Variants in ELFN1 observed in about 807,000 individuals in gnomAD.
ELFN1 encodes the protein protein ELFN1.
Under a neutral mutation model 7.6 loss-of-function variants are expected in ELFN1, and 6 were observed. That is an observed-to-expected ratio of 0.79 (90% CI 0.43 to 1.56). The LOEUF (loss-of-function observed/expected upper bound fraction) is 1.56, where lower values mean the gene tolerates loss of function less well. Ranked by LOEUF, ELFN1 falls within the 40% of genes most tolerant of loss-of-function variation. ELFN1 has a pLI of 0.01. For missense variants in ELFN1, 1,169 were observed against 1,232.2 expected (o/e 0.95, Z 0.77); for synonymous variants, 657 against 588.1 (o/e 1.12, Z -1.70).
At chr7:1,722,486 C>T (rs1044887713) in intron 3 of ELFN1, among the ~76,000 whole-genome samples, 3 of 151,790 alleles carry the variant, frequency 2.0e-5, no homozygotes, top group Non-Finnish European at 4.4e-5. Context: ...TCAGGCTGGT[C>T]TCGAACTCCT....
intron 2 of ELFN1, chr7:1,692,661 AC>A (rs1163831500): frequency 6.5e-6 from 1 of 153,862 alleles, no homozygotes; most frequent in Non-Finnish European, 1.4e-5. Flanking sequence ...TGCCGGCTGC[AC>A]CTGCCCCTGG....
intron 3 of ELFN1, among the ~76,000 whole-genome samples, chr7:1,718,625 A>G (rs1779907233): frequency 6.6e-6 from 1 of 152,202 alleles, no homozygotes; most frequent in Non-Finnish European, 1.5e-5. Context: ...GTTTGCAGTG[A>G]CATCGGGACA....
chr7:1,713,628 G>T (rs1048648777), intron 3 of ELFN1, among the ~76,000 whole-genome samples: 2 of 152,168 alleles, frequency 1.3e-5, no homozygotes, highest in Non-Finnish European at 2.9e-5. Flanking sequence ...GAGAGAGGCC[G>T]GTGGCTGTGA....
At position 1,739,556 on chromosome 7, in the gene ELFN1, G is replaced by C. The variant is rs560297183; in HGVS notation, c.-293-4748G>C. On this transcript the variant is annotated intron_variant, in intron 3 of 3. Transcript: ENST00000424383. This position sits in a 1 kb window ranked among gnomAD's most constrained non-coding sequence, Gnocchi z 4.6. The stretch of plus-strand genomic sequence containing the variant: ...GTCAGCTGCACAGAGACAAGAGCAC[G>C]GGGCACAAGACCCCCTGGGAGAGCT... 1 of 153,098 alleles carries C rather than the reference G, an allele frequency of 6.5e-6. No individual in the cohort carries two copies. Among genetic ancestry groups the C allele is most frequent in the South Asian group, 2.0e-4 (1 of 4,888 alleles). 9.5% of individuals were successfully genotyped at this position (153,098 alleles called of 1,614,324 possible). A position where few individuals can be genotyped will look rare whatever the true frequency, so the allele number is the denominator to read the frequency against.
rs1004545071 is a variant in ELFN1 at position 1,745,755 on chromosome 7, G to A, written c.1159G>A (p.Gly387Arg). ...YTYCVVSTSA[G>R]LRHNHTCLTI... The stretch of plus-strand genomic sequence containing the variant: ...CTACTGCGTGGTGTCCACCAGCGCC[G>A]GGCTGCGCCACAACCACACCTGCCT... Residue 387 changes from glycine (G) to arginine (R), a missense_variant, in exon 4 of 4, where the codon GGG becomes AGG. By Grantham distance (125) the Gly-to-Arg change is moderately radical (BLOSUM62 -2). This residue lies in a region of ELFN1 where 914 missense variants were observed against 872.6 expected (regional missense o/e 1.05). Coordinates refer to ENST00000424383, the MANE Select transcript of ELFN1 (RefSeq NM_001128636.4). The A allele has an allele frequency of 4.5e-6, 7 of 1,551,664 alleles. No homozygotes were observed. The highest frequency in any genetic ancestry group is 6.1e-6 in the Non-Finnish European group (7 of 1,147,666).
At chr7:1,726,301 C>T (rs1393925589) in intron 3 of ELFN1, among the ~76,000 whole-genome samples, 1 of 152,218 alleles carries the variant, frequency 6.6e-6, no homozygotes, top group Non-Finnish European at 1.5e-5. Context: ...AGAGCCGCAG[C>T]CCTGCCTGCA....
chr7:1,729,888 G>A (rs1780291232), intron 3 of ELFN1, among the ~76,000 whole-genome samples: 1 of 152,228 alleles, frequency 6.6e-6, no homozygotes, highest in African/African-American at 2.4e-5. Context: ...TGCCTACTGG[G>A]ATGTCCATCT....
chr7:1,746,836 A>C lies in ELFN1; in HGVS notation c.2240A>C (p.Asp747Ala). The change falls in exon 4 of 4, where the codon GAC (aspartate) becomes GCC (alanine). Residue 747 changes from aspartate to alanine, a missense_variant. This residue lies in a region of ELFN1 where 914 missense variants were observed against 872.6 expected (regional missense o/e 1.05). Transcript: ENST00000424383. ...LEPLTRPRPRDLAYSQLSPQY... is the reference protein window; with the variant it reads ...LEPLTRPRPRALAYSQLSPQY... ...CCACTCACCCGGCCGCGGCCCCGCG[A>C]CCTCGCCTACTCGCAGCTGTCCCCG... is the stretch of plus-strand genomic sequence containing the variant. 6.5e-7 allele frequency: 1 copy of C among 1,536,236 alleles called. No individual in the cohort carries two copies. Among genetic ancestry groups the C allele is most frequent in the Non-Finnish European group, 8.8e-7 (1 of 1,140,988 alleles).
chr7:1,669,641 GA>G (rs1047996087), upstream of ELFN1, among the ~76,000 whole-genome samples: 4 of 152,240 alleles, frequency 2.6e-5, no homozygotes, highest in African/African-American at 9.6e-5. Context: ...GAGTGCTCCA[GA>G]ACCCCCTGAA....
intron 3 of ELFN1, among the ~76,000 whole-genome samples, chr7:1,720,268 G>A (rs1303689704): frequency 1.3e-5 from 2 of 152,244 alleles, no homozygotes; most frequent in Non-Finnish European, 2.9e-5. Flanking sequence ...TACTCCAGTG[G>A]GAAGACGAAG....
chr7:1,704,233 G>C (rs1424602550), intron 2 of ELFN1, among the ~76,000 whole-genome samples: 3 of 152,138 alleles, frequency 2.0e-5, no homozygotes, highest in African/African-American at 7.2e-5. Context: ...GCTGTGAGTG[G>C]GCTGGTGGGT....
At chr7:1,699,829 G>A (rs566365505) in intron 2 of ELFN1, among the ~76,000 whole-genome samples, 4 of 151,854 alleles carry the variant, frequency 2.6e-5, no homozygotes, top group South Asian at 4.2e-4. Flanking sequence ...TCAGCCTCCC[G>A]GGTAGCTGGG....
At chr7:1,743,706 T>C (rs1780694128) in intron 3 of ELFN1, among the ~76,000 whole-genome samples, 1 of 152,222 alleles carries the variant, frequency 6.6e-6, no homozygotes, top group African/African-American at 2.4e-5. Flanking sequence ...AAGGATTCTG[T>C]GTTGAGGGCT....
upstream of ELFN1, among the ~76,000 whole-genome samples, chr7:1,667,443 A>G (rs1290084834): frequency 1.3e-5 from 2 of 152,016 alleles, no homozygotes; most frequent in African/African-American, 4.8e-5. The surrounding 1 kb of genome is among the most constrained non-coding windows in gnomAD (Gnocchi z 8.2). Flanking sequence ...GCGTTTAGGG[A>G]TGCAGCTCGG....
At chr7:1,679,632 C>T (rs966346658) in intron 1 of ELFN1, among the ~76,000 whole-genome samples, 5 of 152,246 alleles carry the variant, frequency 3.3e-5, no homozygotes, top group Non-Finnish European at 5.9e-5. Context: ...CTCATGTTCG[C>T]ACCTGTGCAC....
chr7:1,695,760 A>AC lies in ELFN1; in HGVS notation c.-456+7610_-456+7611insC, dbSNP rs1178659121. 2.7e-3 allele frequency among the ~76,000 whole-genome samples: 415 copies of AC among 151,464 alleles called. 2 individuals are homozygous for AC. Among genetic ancestry groups the AC allele is most frequent in the African/African-American group, 9.4e-3 (388 of 41,196 alleles). On this transcript the variant is annotated intron_variant, in intron 2 of 3. Transcript: ENST00000424383. This position sits in a 1 kb window ranked among gnomAD's most constrained non-coding sequence, Gnocchi z 5.1. ...GAGACTCCGTGTCAAAAAAAAAAAA[A>AC]AAAAAAAAAAAACCGTGCTGGTTTG...
Position 1,735,394 on chromosome 7 carries a change from G to A in ELFN1, c.-293-8910G>A, listed in dbSNP as rs549223015. Among the ~76,000 whole-genome samples the A allele has an allele frequency of 7.9e-5, 12 of 152,154 alleles. No individual in the cohort carries two copies. Among genetic ancestry groups the A allele is most frequent in the Admixed American group, 7.2e-4 (11 of 15,294 alleles). On this transcript the variant is annotated intron_variant, in intron 3 of 3. Coordinates refer to ENST00000424383, the MANE Select transcript of ELFN1 (RefSeq NM_001128636.4). This position sits in a 1 kb window ranked among gnomAD's most constrained non-coding sequence, Gnocchi z 5.9. ...GCACTCACCGAGTCCTCACACAGTG[G>A]GGACGTGGTGCAGGCAGCAGTCCCC...
intron 3 of ELFN1, among the ~76,000 whole-genome samples, chr7:1,726,642 C>T (rs1236562488): frequency 6.6e-6 from 1 of 152,218 alleles, no homozygotes; most frequent in Non-Finnish European, 1.5e-5. Context: ...GGAGGGCCCC[C>T]AAGTCCCTTC....
chr7:1,695,439 A>T lies in ELFN1; in HGVS notation c.-456+7289A>T, dbSNP rs1447759870. Among the ~76,000 whole-genome samples, 1 of 152,122 alleles carries T rather than the reference A, an allele frequency of 6.6e-6. No individual in the cohort carries two copies. The highest frequency in any genetic ancestry group is 1.5e-5 in the Non-Finnish European group (1 of 68,006). Reference sequence around the variant, plus strand: ...GGAGCAGACTCAGCCCGCCAAGCCCATGAACCCCACTTTGAAAACTGTGCA... The same window carrying T: ...GGAGCAGACTCAGCCCGCCAAGCCCTTGAACCCCACTTTGAAAACTGTGCA... On this transcript the variant is annotated intron_variant, in intron 2 of 3. Transcript: ENST00000424383. The surrounding 1 kb of genome is among the most constrained non-coding windows in gnomAD (Gnocchi z 5.1).
Sources: allele counts gnomAD v4.1 joint callset (sites outside exome capture counted in the v4.1 genomes callset), GRCh38; gene constraint gnomAD v4.1.1; regional missense constraint gnomAD v4.1.1; non-coding constraint Gnocchi (gnomAD v3.1); transcripts MANE v1.5; gene names NCBI Gene and HGNC (gene_info 2026-07-23, HGNC 2026-07-21).